The following SRGAP3 variants were observed in gnomAD, a reference collection of about 807,000 sequenced individuals.
The protein encoded by SRGAP3 is SLIT-ROBO Rho GTPase activating protein 3, also known as SLIT-ROBO Rho GTPase-activating protein 3.
Under a neutral mutation model 121.1 loss-of-function variants are expected in SRGAP3, and 39 were observed. The ratio of observed to expected loss-of-function variants is 0.32; its 90% CI spans 0.25 to 0.42. The LOEUF is 0.42. Ranked by LOEUF, SRGAP3 falls within the 10% of genes least tolerant of loss-of-function variation. SRGAP3 has a pLI of 1.00. For missense variants in SRGAP3, 1,213 were observed against 1,470.6 expected, an observed-to-expected ratio of 0.82 and a Z score of 2.86; for synonymous variants, 601 against 570.0, an observed-to-expected ratio of 1.05 and a Z score of -0.77.
At chr3:9,087,059 C>A (rs1255001652) in intron 3 of SRGAP3, among the ~76,000 whole-genome samples, 1 of 151,352 alleles carries the variant, frequency 6.6e-6, no homozygotes, top group Non-Finnish European at 1.5e-5. Flanking sequence ...CATACATATA[C>A]ATATAAAATA....
upstream of SRGAP3, among the ~76,000 whole-genome samples, chr3:9,250,185 A>G (rs1035685166): frequency 6.6e-6 from 1 of 152,284 alleles, no homozygotes; most frequent in Admixed American, 6.5e-5. Flanking sequence ...TCAGTTTCCT[A>G]GATAGTAAAA....
intron 6 of SRGAP3, 148 bp downstream of exon 6, chr3:9,060,083 A>G: frequency 7.9e-7 from 1 of 1,267,074 alleles, no homozygotes. Flanking sequence ...TCCCCAAATC[A>G]CTGCCCTTCC....
intron 12 of SRGAP3, 142 bp from the exon 13 acceptor site, chr3:9,027,137 T>C (rs2125073817): frequency 1.3e-6 from 1 of 797,010 alleles, no homozygotes; most frequent in African/African-American, 1.7e-5. Context: ...CTGCTAATCC[T>C]AAAGTCTCCA....
chr3:9,058,622 A>G lies in SRGAP3; in HGVS notation c.802-150T>C. 2.0e-5 allele frequency: 15 copies of G among 764,598 alleles called. No individual in the cohort carries two copies. The South Asian group carries it at 2.4e-4, about 12-fold the overall frequency. 47.4% of individuals were successfully genotyped at this position (764,598 alleles called of 1,614,324 possible). On this transcript the variant is annotated intron_variant, in intron 6 of 21. Transcript: ENST00000383836. ...CCAAGGCACTTTGGAATCCTACTGC[A>G]CAAACCTCACGGCGCCCCTCAAGGG...
intron 3 of SRGAP3, among the ~76,000 whole-genome samples, chr3:9,324,153 A>C (rs1239277152): frequency 6.6e-6 from 1 of 151,954 alleles, no homozygotes; most frequent in Non-Finnish European, 1.5e-5. Flanking sequence ...GGGATTGGCC[A>C]ACACTCAGCT....
intron 10 of SRGAP3, among the ~76,000 whole-genome samples, chr3:9,042,631 G>C (rs368334663): frequency 3.9e-5 from 6 of 152,316 alleles, no homozygotes; most frequent in East Asian, 3.9e-4. Flanking sequence ...AAGGAGAAAA[G>C]TTCGGTAAAA....
intron 10 of SRGAP3, among the ~76,000 whole-genome samples, chr3:9,039,153 C>G (rs1043723517): frequency 6.6e-6 from 1 of 152,176 alleles, no homozygotes; most frequent in African/African-American, 2.4e-5. Flanking sequence ...CTTATCGTAC[C>G]TGACCTCTCC....
chr3:9,237,675 T>C (rs1422559489), intron 1 of SRGAP3, among the ~76,000 whole-genome samples: 1 of 152,182 alleles, frequency 6.6e-6, no homozygotes, highest in Non-Finnish European at 1.5e-5. Context: ...AAGTACAAGC[T>C]TGGAGAAGTC....
intron 2 of SRGAP3, among the ~76,000 whole-genome samples, chr3:9,122,797 A>G (rs1949064765): frequency 6.6e-6 from 1 of 152,146 alleles, no homozygotes; most frequent in African/African-American, 2.4e-5. Flanking sequence ...TTATCCCCAA[A>G]TGCCAAGAGA....
intron 1 of SRGAP3, among the ~76,000 whole-genome samples, chr3:9,172,463 T>C (rs546278599): frequency 9.2e-5 from 14 of 152,310 alleles, no homozygotes; most frequent in African/African-American, 3.4e-4. Flanking sequence ...TAAGGTCACA[T>C]TCACCTGTAC....
At chr3:9,079,980 C>A in intron 4 of SRGAP3, 45 bp downstream of exon 4, 1 of 1,610,122 alleles carries the variant, frequency 6.2e-7, no homozygotes, top group Non-Finnish European at 8.5e-7. Flanking sequence ...GTGATGAAGA[C>A]AGAGACCCAA....
rs146514861 is a variant in SRGAP3 at position 9,168,449 on chromosome 3, T to C, written c.68-43532A>G. Reference sequence around the variant, plus strand: ...CTAGTGCACGTGTGCCCTCCCTCACTGAAACCAAGGCCCAGCACATCACGC... The same window carrying C: ...CTAGTGCACGTGTGCCCTCCCTCACCGAAACCAAGGCCCAGCACATCACGC... On this transcript the variant is annotated intron_variant, in intron 1 of 21. Transcript: ENST00000383836. Among the ~76,000 whole-genome samples, 444 of 152,350 alleles carry C rather than the reference T, an allele frequency of 2.9e-3. 2 individuals carry two copies. The highest frequency in any genetic ancestry group is 0.016 in the Admixed American group (248 of 15,308).
At chr3:9,321,437 T>G (rs146754971) in intron 3 of SRGAP3, among the ~76,000 whole-genome samples, 143 of 152,062 alleles carry the variant, frequency 9.4e-4, no homozygotes, top group Non-Finnish European at 1.7e-3. Flanking sequence ...TGAATGGTAA[T>G]TAGCTCAAGT....
chr3:9,322,331 A>G (rs1955451126), intron 3 of SRGAP3, among the ~76,000 whole-genome samples: 1 of 151,856 alleles, frequency 6.6e-6, no homozygotes, highest in South Asian at 2.1e-4. Flanking sequence ...GTTAAGTGGC[A>G]GCACACAAGG....
chr3:9,304,748 G>C (rs1335558647), intron 3 of SRGAP3, among the ~76,000 whole-genome samples: 1 of 152,060 alleles, frequency 6.6e-6, no homozygotes, highest in Middle Eastern at 3.2e-3. Context: ...TGAGGGCCTG[G>C]GATGCATCTT....
chr3:9,166,050 G>A (rs576195501), intron 1 of SRGAP3, among the ~76,000 whole-genome samples: 1 of 152,196 alleles, frequency 6.6e-6, no homozygotes, highest in African/African-American at 2.4e-5. Flanking sequence ...AGTGAGTAGT[G>A]AATGAATGAA....
At chr3:9,120,742 G>C (rs755778719) in intron 2 of SRGAP3, among the ~76,000 whole-genome samples, 6 of 152,204 alleles carry the variant, frequency 3.9e-5, no homozygotes, top group Non-Finnish European at 8.8e-5. Context: ...CTTTGAAAGA[G>C]GTTTGTTAGA....
At chr3:9,058,714 C>CTTTTTTT (rs71049768) in intron 6 of SRGAP3, 2 of 213,718 alleles carry the variant, frequency 9.4e-6, no homozygotes, top group Non-Finnish European at 1.7e-5. Context: ...TTCTCTCTCT[C>CTTTTTTT]TTTTTTTTTT....
At position 9,248,818 on chromosome 3, in the gene SRGAP3, A is replaced by T. The variant is rs376756799; in HGVS notation, c.67+67T>A. On this transcript the variant is annotated intron_variant, in intron 1 of 21. Coordinates refer to ENST00000383836, the MANE Select transcript of SRGAP3 (RefSeq NM_014850.4). ...AGAGGAAAACGGGGGGCAGCGGGGG[A>T]TGGGAACCAGAACAAGAGAAAAACG... is the stretch of plus-strand genomic sequence containing the variant. The T allele has an allele frequency of 8.0e-5, 121 of 1,507,192 alleles. No homozygotes were observed. In the African/African-American group the frequency reaches 1.5e-3, roughly 18 times the overall value. The allele number at this position is 1,507,192 out of a possible 1,614,324, so 93.4% of individuals were successfully genotyped here.
Sources: allele counts gnomAD v4.1 joint callset (sites outside exome capture counted in the v4.1 genomes callset), GRCh38; gene constraint gnomAD v4.1.1; transcripts MANE v1.5; gene names NCBI Gene and HGNC (gene_info 2026-07-23, HGNC 2026-07-21).